The following SNX8 variants were observed in gnomAD, a reference collection of about 807,000 sequenced individuals.
The protein encoded by SNX8 is sorting nexin 8, also known as sorting nexin-8.
In SNX8, 25 loss-of-function variants were observed where a neutral mutation model predicts 51.6. The ratio of observed to expected loss-of-function variants is 0.48; its 90% CI spans 0.35 to 0.68. SNX8 has a LOEUF of 0.68. Among genes scored for constraint, SNX8 ranks in the 30% least tolerant of loss-of-function variants. The probability of loss-of-function intolerance (pLI) is 0.00; values close to 1 mark genes in which losing one functional copy is unlikely to be tolerated. For synonymous variants in SNX8, 324 were observed against 277.0 expected, an observed-to-expected ratio of 1.17 and a Z score of -1.68; for missense variants, 695 against 624.0, an observed-to-expected ratio of 1.11 and a Z score of -1.21.
At chr7:2,306,780 T>C (rs901024337) in intron 1 of SNX8, among the ~76,000 whole-genome samples, 38 of 152,146 alleles carry the variant, frequency 2.5e-4, no homozygotes, top group African/African-American at 8.9e-4. Context: ...ATCACTTGTA[T>C]AACAAAATTT....
intron 1 of SNX8, among the ~76,000 whole-genome samples, chr7:2,327,496 AT>A: frequency 6.6e-6 from 1 of 151,150 alleles, no homozygotes. Context: ...CAAGCTCCGC[AT>A]CTCTGGTTCA....
intron 1 of SNX8, among the ~76,000 whole-genome samples, chr7:2,291,138 A>G (rs1369040594): frequency 6.6e-6 from 1 of 152,066 alleles, no homozygotes; most frequent in African/African-American, 2.4e-5. Context: ...TCTACCAAAA[A>G]AAAGAAAAAA....
chr7:2,295,592 CAAAAAAAAAAAAAAA>C (rs147853805), intron 1 of SNX8, among the ~76,000 whole-genome samples: 36 of 93,510 alleles, frequency 3.8e-4, no homozygotes, highest in Non-Finnish European at 5.0e-4. Context: ...GTAATCCCAG[CAAAAAAAAAAAAAAA>C]AAAAAAAAAA....
chr7:2,268,352 C>G (rs1795537819), intron 5 of SNX8, among the ~76,000 whole-genome samples: 1 of 144,778 alleles, frequency 6.9e-6, no homozygotes, highest in Admixed American at 6.8e-5. Flanking sequence ...CGGCAGCTGC[C>G]CTGTCTGAGA....
At position 2,311,312 on chromosome 7, in the gene SNX8, G is replaced by A. The variant is rs534839313; in HGVS notation, c.94+3016C>T. On this transcript the variant is annotated intron_variant, in intron 1 of 10. Coordinates refer to ENST00000222990, the MANE Select transcript of SNX8 (RefSeq NM_013321.4). ...ACCACTCCTTCAAACCAACCTTAGT[G>A]AACGTGTAAGTCACACACATAGTCT... Among the ~76,000 whole-genome samples the A allele has an allele frequency of 2.0e-3, 305 of 152,328 alleles. 1 individual carries two copies. The highest frequency in any genetic ancestry group is 7.0e-3 in the African/African-American group (290 of 41,576).
intron 2 of SNX8, among the ~76,000 whole-genome samples, chr7:2,277,806 C>T (rs566528614): frequency 8.1e-4 from 105 of 129,492 alleles, no homozygotes; most frequent in Middle Eastern, 7.4e-3. Context: ...GACTCCACAT[C>T]GGGGAAAAAA....
chr7:2,309,340 AC>A (rs1331567541), intron 1 of SNX8, among the ~76,000 whole-genome samples: 1 of 152,190 alleles, frequency 6.6e-6, no homozygotes, highest in African/African-American at 2.4e-5. Flanking sequence ...TTCCTGGCCA[AC>A]ATGGCGAAAC....
rs535323390 is a variant in SNX8, at chr7:2,302,302, G to A, written c.94+12026C>T. Among the ~76,000 whole-genome samples, 5 of 152,346 alleles carry A rather than the reference G, an allele frequency of 3.3e-5. No homozygotes were observed. The South Asian group carries it at 6.2e-4, about 19-fold the overall frequency. ...ATTTTTTTGGTGGAGACGGGGTTTC[G>A]CTGTGTTGGCCAGGCCGGTCTCAGC... is the stretch of plus-strand genomic sequence containing the variant. On this transcript the variant is annotated intron_variant, in intron 1 of 10. Transcript: ENST00000222990.
At chr7:2,315,616 G>A (rs1377784454), upstream of SNX8, among the ~76,000 whole-genome samples, 1 of 127,346 alleles carries the variant, frequency 7.9e-6, no homozygotes, top group African/African-American at 3.1e-5. Flanking sequence ...CTCACTTACT[G>A]CTTCTTCGTA....
chr7:2,327,723 A>T (rs11766676), intron 1 of SNX8, among the ~76,000 whole-genome samples: 17,265 of 125,710 alleles, frequency 0.14, 1,097 homozygotes, highest in Middle Eastern at 0.2. Flanking sequence ...TTTGTATTTT[A>T]AGTAGAGACG....
chr7:2,277,599 G>T (rs1267130607), intron 2 of SNX8, among the ~76,000 whole-genome samples: 1 of 151,468 alleles, frequency 6.6e-6, no homozygotes, highest in African/African-American at 2.4e-5. Flanking sequence ...AGGAGATCAA[G>T]ACCACCCTGG....
intron 1 of SNX8, among the ~76,000 whole-genome samples, chr7:2,302,671 G>A (rs1037633212): frequency 1.2e-4 from 18 of 151,696 alleles, no homozygotes; most frequent in African/African-American, 3.1e-4. Context: ...ACCTCTTCCC[G>A]GCCGCCACCA....
At chr7:2,292,838 G>A (rs1037726806) in intron 1 of SNX8, among the ~76,000 whole-genome samples, 3 of 151,964 alleles carry the variant, frequency 2.0e-5, no homozygotes, top group South Asian at 2.1e-4. Flanking sequence ...TGGGCAACGC[G>A]GCAAGATCCT....
At chr7:2,310,208 C>T (rs1796633760) in intron 1 of SNX8, among the ~76,000 whole-genome samples, 1 of 152,074 alleles carries the variant, frequency 6.6e-6, no homozygotes, top group South Asian at 2.1e-4. Context: ...CTGCCGTTCT[C>T]GCTGGATGTC....
At chr7:2,306,872 G>A (rs1012473013) in intron 1 of SNX8, among the ~76,000 whole-genome samples, 8 of 152,222 alleles carry the variant, frequency 5.3e-5, no homozygotes, top group South Asian at 2.1e-4. Flanking sequence ...GTGGACACCC[G>A]CACAAATCAG....
rs1795124175 is a variant in SNX8 at position 2,254,412 on chromosome 7, A to G, written c.*644T>C. On this transcript the variant is annotated 3_prime_UTR_variant, in exon 11 of 11. Coordinates refer to ENST00000222990, the MANE Select transcript of SNX8 (RefSeq NM_013321.4). ...ACGCCTTTGTCTTCCAGGCCTGGGC[A>G]CACACAGGGTCATGGTGTGGACACA... 1 of 154,128 alleles carries G rather than the reference A, an allele frequency of 6.5e-6. No individual in the cohort carries two copies. The highest frequency in any genetic ancestry group is 1.4e-5 in the Non-Finnish European group (1 of 69,346). The allele number at this position is 154,128 out of a possible 1,614,324, so 9.5% of individuals were successfully genotyped here.
At position 2,264,326 on chromosome 7, in the gene SNX8, C is replaced by A; in HGVS notation, c.754G>T (p.Asp252Tyr). ...IASRAIDNAA[D>Y]LLIFGKELSA... The stretch of plus-strand genomic sequence containing the variant: ...AGCTCCTTCCCGAATATGAGAAGAT[C>A]TGCCGCATTGTCGATGGCCCGCGAT... The change falls in exon 6 of 11, where the codon GAT (aspartate) becomes TAT (tyrosine). Residue 252 changes from aspartate to tyrosine, a missense_variant. Coordinates refer to ENST00000222990, the MANE Select transcript of SNX8 (RefSeq NM_013321.4). 1 of 1,612,708 alleles carries A rather than the reference C, an allele frequency of 6.2e-7. No individual in the cohort carries two copies.
At chr7:2,274,187 G>A (rs893093229) in intron 3 of SNX8, among the ~76,000 whole-genome samples, 17 of 152,366 alleles carry the variant, frequency 1.1e-4, no homozygotes, top group African/African-American at 4.1e-4. Flanking sequence ...TGAATGATCT[G>A]CTCTGTGGCC....
At chr7:2,311,801 G>A (rs1479432061) in intron 1 of SNX8, among the ~76,000 whole-genome samples, 1 of 151,972 alleles carries the variant, frequency 6.6e-6, no homozygotes, top group East Asian at 1.9e-4. Context: ...GCCGGGCGTG[G>A]TGGCGGGCGC....
Sources: allele counts gnomAD v4.1 joint callset (sites outside exome capture counted in the v4.1 genomes callset), GRCh38; gene constraint gnomAD v4.1.1; transcripts MANE v1.5; gene names NCBI Gene and HGNC (gene_info 2026-07-23, HGNC 2026-07-21).